The following ADGRL2 variants were observed in gnomAD, a reference collection of about 807,000 sequenced individuals.
The protein encoded by ADGRL2 is adhesion G protein-coupled receptor L2.
A neutral mutation model predicts 157.4 loss-of-function variants in ADGRL2; 44 were observed. The observed-to-expected ratio is 0.28, with a 90% CI of 0.22 to 0.36. The LOEUF (loss-of-function observed/expected upper bound fraction) is 0.36. ADGRL2 is among the 10% of genes least tolerant of loss of function. The pLI is 1.00. For missense variants in ADGRL2, 1,510 were observed against 1,768.9 expected (o/e 0.85, Z 2.63); for synonymous variants, 585 against 624.7 (o/e 0.94, Z 0.95).
chr1:81,420,862 TA>T (rs1438678920), intron 1 of ADGRL2, among the ~76,000 whole-genome samples: 6 of 152,154 alleles, frequency 3.9e-5, no homozygotes, highest in Non-Finnish European at 1.5e-5. Flanking sequence ...TGAACTACAT[TA>T]AATGGTAAAT....
chr1:81,537,475 G>A (rs1044366462), intron 2 of ADGRL2, among the ~76,000 whole-genome samples: 4 of 151,602 alleles, frequency 2.6e-5, no homozygotes, highest in African/African-American at 4.8e-5. Flanking sequence ...TAGTAGAGGC[G>A]GGGTTTCTCC....
intron 1 of ADGRL2, among the ~76,000 whole-genome samples, chr1:81,342,489 G>C (rs1167702085): frequency 2.0e-5 from 3 of 152,014 alleles, no homozygotes; most frequent in Non-Finnish European, 4.4e-5. Context: ...TATGATTCTT[G>C]GGTCAGTCTA....
chr1:81,512,033 G>A (rs888744438), intron 2 of ADGRL2, among the ~76,000 whole-genome samples: 5 of 152,030 alleles, frequency 3.3e-5, no homozygotes, highest in African/African-American at 7.3e-5. Context: ...ACTTAGGATG[G>A]CTTTTACCTC....
chr1:81,913,535 A>G (rs1244885416), intron 3 of ADGRL2, among the ~76,000 whole-genome samples: 1 of 152,168 alleles, frequency 6.6e-6, no homozygotes, highest in Non-Finnish European at 1.5e-5. Context: ...GGGACTCTGT[A>G]GGGGATGGGA....
At chr1:81,347,134 C>G (rs1451020013) in intron 1 of ADGRL2, among the ~76,000 whole-genome samples, 1 of 152,140 alleles carries the variant, frequency 6.6e-6, no homozygotes, top group African/African-American at 2.4e-5. Flanking sequence ...TGCAGTGGCT[C>G]ATGCCTGTAA....
intron 1 of ADGRL2, among the ~76,000 whole-genome samples, chr1:81,748,488 AAAAG>A (rs1488783743): frequency 4.7e-5 from 7 of 150,500 alleles, no homozygotes; most frequent in African/African-American, 1.5e-4. Flanking sequence ...AAAAAAAAAA[AAAAG>A]AAAGAAAGAA....
intron 1 of ADGRL2, among the ~76,000 whole-genome samples, chr1:81,761,625 T>C (rs2085884827): frequency 6.6e-6 from 1 of 152,058 alleles, no homozygotes; most frequent in African/African-American, 2.4e-5. Context: ...TCAAAACAAG[T>C]GCTTAATCTT....
chr1:81,344,184 T>G (rs1323166397), intron 1 of ADGRL2, among the ~76,000 whole-genome samples: 3 of 152,128 alleles, frequency 2.0e-5, no homozygotes, highest in African/African-American at 7.2e-5. Context: ...TTCTCATGCC[T>G]GAGCCTCCCA....
intron 2 of ADGRL2, among the ~76,000 whole-genome samples, chr1:81,453,055 C>T (rs1236451717): frequency 2.6e-5 from 4 of 152,048 alleles, no homozygotes; most frequent in Admixed American, 2.6e-4. Flanking sequence ...GCTTTGGGAG[C>T]CTCAGGGGTA....
chr1:81,470,100 G>A (rs2078140164), intron 2 of ADGRL2, among the ~76,000 whole-genome samples: 1 of 152,116 alleles, frequency 6.6e-6, no homozygotes, highest in East Asian at 1.9e-4. Flanking sequence ...ATGTTCTTCT[G>A]CCTTTCAACA....
intron 6 of ADGRL2, among the ~76,000 whole-genome samples, chr1:81,944,349 C>T (rs1649075453): frequency 6.6e-6 from 1 of 151,966 alleles, no homozygotes; most frequent in African/African-American, 2.4e-5. Context: ...ATCACATGAA[C>T]CAAACTTTAA....
intron 2 of ADGRL2, among the ~76,000 whole-genome samples, chr1:81,900,159 A>G (rs116196485): frequency 2.0e-3 from 300 of 152,322 alleles, no homozygotes; most frequent in Non-Finnish European, 3.8e-3. Context: ...ATTCATAATC[A>G]GGAAATATTT....
intron 13 of ADGRL2, 101 bp downstream of exon 13, chr1:81,966,710 G>A: frequency 1.0e-6 from 1 of 965,074 alleles, no homozygotes; most frequent in Admixed American, 1.9e-5. Flanking sequence ...CTGGGGAGAT[G>A]GGAGGGAGGA....
At chr1:81,594,665 T>C (rs886682382) in intron 3 of ADGRL2, among the ~76,000 whole-genome samples, 10 of 152,226 alleles carry the variant, frequency 6.6e-5, no homozygotes, top group South Asian at 2.1e-4. Context: ...GGTGAAAGAT[T>C]GGTCTCACCT....
chr1:81,816,648 T>C (rs2090433424), intron 1 of ADGRL2, among the ~76,000 whole-genome samples: 1 of 151,972 alleles, frequency 6.6e-6, no homozygotes, highest in Non-Finnish European at 1.5e-5. Flanking sequence ...TGTTTTCATG[T>C]GACTTAATGT....
At chr1:81,786,602 T>TA (rs1308579314) in intron 2 of ADGRL2, among the ~76,000 whole-genome samples, 1 of 152,072 alleles carries the variant, frequency 6.6e-6, no homozygotes, top group Non-Finnish European at 1.5e-5. Context: ...TAAATAAAAA[T>TA]AAAATTTAGA....
At chr1:81,720,930 T>A (rs1347167946) in intron 1 of ADGRL2, among the ~76,000 whole-genome samples, 1 of 150,290 alleles carries the variant, frequency 6.7e-6, no homozygotes, top group Non-Finnish European at 1.5e-5. Flanking sequence ...CATAAATAAA[T>A]AAATATTCAT....
chr1:81,342,935 C>T (rs1272445070), intron 1 of ADGRL2, among the ~76,000 whole-genome samples: 4 of 151,984 alleles, frequency 2.6e-5, no homozygotes, highest in African/African-American at 9.7e-5. Context: ...CTAGAAATGT[C>T]TGTCAATAGA....
intron 2 of ADGRL2, among the ~76,000 whole-genome samples, chr1:81,882,252 C>T (rs536097149): frequency 5.3e-5 from 8 of 151,922 alleles, no homozygotes; most frequent in Admixed American, 2.6e-4. Flanking sequence ...TGTTTTCTAC[C>T]GTAACTAAGA....
Sources: gnomAD v4.1 joint callset for allele counts (sites outside exome capture counted in the v4.1 genomes callset) on GRCh38, gnomAD v4.1.1 for gene constraint, MANE v1.5 for transcripts, NCBI Gene and HGNC (gene_info 2026-07-23, HGNC 2026-07-21) for gene names.